NABP2: variants seen among roughly 807,000 people sequenced by gnomAD.
The protein encoded by NABP2 is nucleic acid binding protein 2.
A neutral mutation model predicts 22.7 loss-of-function variants in NABP2; 7 were observed. The ratio of observed to expected loss-of-function variants is 0.31; its 90% CI spans 0.18 to 0.58. NABP2 has a LOEUF of 0.58. Among genes scored for constraint, NABP2 ranks in the 20% least tolerant of loss-of-function variants. The pLI, the probability that NABP2 is intolerant of heterozygous loss-of-function variation, is 0.89. For synonymous variants in NABP2, 107 were observed against 99.2 expected, an observed-to-expected ratio of 1.08 and a Z score of -0.47; for missense variants, 188 against 265.9, an observed-to-expected ratio of 0.71 and a Z score of 2.04.
intron 1 of NABP2, 98 bp from the exon 2 acceptor site, chr12:56,224,736 G>T (rs532656969): frequency 8.8e-7 from 1 of 1,135,516 alleles, no homozygotes; most frequent in South Asian, 1.3e-5. Flanking sequence ...GGTTGAGGCT[G>T]CCTGACCCCA....
chr12:56,223,915 T>C (rs538172059), upstream of NABP2, among the ~76,000 whole-genome samples: 1 of 152,298 alleles, frequency 6.6e-6, no homozygotes, highest in African/African-American at 2.4e-5. Context: ...TATGCCTCCC[T>C]ACGTGCTGGG....
In NABP2 at chr12:56,226,374, C is replaced by G; in HGVS notation, c.391C>G (p.Pro131Ala). The change falls in exon 6 of 7, where the codon CCT becomes GCT. Residue 131 changes from proline to alanine, a missense_variant. Coordinates refer to ENST00000267023, the MANE Select transcript of NABP2 (RefSeq NM_024068.4). ...CCTTCAGGTGCAGAACGACAGCAAC[C>G]CTTCAGCTTCCCAGCCTACCACTGG... ...PNKAVQNDSN[P>A]SASQPTTGPS... 1.2e-6 allele frequency: 2 copies of G among 1,613,794 alleles called. No homozygotes were observed. Among genetic ancestry groups the G allele is most frequent in the Non-Finnish European group, 1.7e-6 (2 of 1,180,012 alleles).
intron 1 of NABP2, 51 bp from the exon 2 acceptor site, chr12:56,224,783 T>C (rs1565950285): frequency 6.6e-7 from 1 of 1,510,280 alleles, no homozygotes; most frequent in Non-Finnish European, 9.2e-7. Flanking sequence ...AAGTGGAGCA[T>C]GGGGGCAAAG....
intron 4 of NABP2, 25 bp from the exon 5 acceptor site, chr12:56,226,154 C>G: frequency 6.2e-7 from 1 of 1,610,848 alleles, no homozygotes; most frequent in Non-Finnish European, 8.5e-7. Flanking sequence ...GAATTCAAGG[C>G]TTTAGCTACT....
chr12:56,228,061 T>A (rs966755614), intron 6 of NABP2, among the ~76,000 whole-genome samples: 1 of 151,600 alleles, frequency 6.6e-6, no homozygotes, highest in Non-Finnish European at 1.5e-5. Flanking sequence ...GCGTGGTGGC[T>A]CATGCCTATA....
At chr12:56,226,126 A>G (rs1381995549) in intron 4 of NABP2, 53 bp from the exon 5 acceptor site, 4 of 1,548,308 alleles carry the variant, frequency 2.6e-6, no homozygotes, top group African/African-American at 2.7e-5. Flanking sequence ...TGAGGCCTCC[A>G]GCAGTGGCCC....
In NABP2 at chr12:56,225,488, G is replaced by C; in HGVS notation, c.195G>C (p.Gly65=). 1 of 1,614,212 alleles carries C rather than the reference G, an allele frequency of 6.2e-7. No individual in the cohort carries two copies. Among genetic ancestry groups the C allele is most frequent in the Non-Finnish European group, 8.5e-7 (1 of 1,180,054 alleles). Residue 65 remains glycine, a synonymous_variant, in exon 3 of 7, where the codon GGG becomes GGC. Transcript: ENST00000267023. Reference sequence around the variant, plus strand: ...ATGTTGGCAATCTGATCCAGCCTGGGGACATTATCCGGCTCACCAAAGGGT... The same window carrying C: ...ATGTTGGCAATCTGATCCAGCCTGGCGACATTATCCGGCTCACCAAAGGGT... The part of the protein sequence containing the change: ...WDDVGNLIQP[G]DIIRLTKGYA...
chr12:56,223,253 G>A (rs1009201414), upstream of NABP2, among the ~76,000 whole-genome samples: 1 of 151,916 alleles, frequency 6.6e-6, no homozygotes, highest in Admixed American at 6.6e-5. Context: ...GGGTGGAGCG[G>A]TGGGGCGGGG....
chr12:56,225,349 C>T, intron 2 of NABP2, 24 bp from the exon 3 acceptor site: 1 of 1,613,996 alleles, frequency 6.2e-7, no homozygotes, highest in Non-Finnish European at 8.5e-7. Flanking sequence ...CATCCTCCCA[C>T]CTCGATTTAT....
chr12:56,224,060 T>C (rs77394186), upstream of NABP2, among the ~76,000 whole-genome samples: 1,072 of 152,314 alleles, frequency 7.0e-3, 56 homozygotes, highest in East Asian at 0.15. Flanking sequence ...CCTTTTCCCA[T>C]TGTGTCACTC....
chr12:56,228,635 G>C (rs756772738), intron 6 of NABP2, among the ~76,000 whole-genome samples: 1 of 151,850 alleles, frequency 6.6e-6, no homozygotes, highest in Admixed American at 6.6e-5. Flanking sequence ...ATCCACCCGC[G>C]TCAGCCTCCC....
Sources: allele counts gnomAD v4.1 joint callset (sites outside exome capture counted in the v4.1 genomes callset), GRCh38; gene constraint gnomAD v4.1.1; transcripts MANE v1.5; gene names NCBI Gene and HGNC (gene_info 2026-07-23, HGNC 2026-07-21).